GALK2: variants seen among roughly 807,000 people sequenced by gnomAD.
GALK2 encodes galactokinase 2.
GALK2 carries 36 observed loss-of-function variants against 52.4 expected under a neutral mutation model. The ratio of observed to expected loss-of-function variants is 0.69; its 90% confidence interval spans 0.53 to 0.91. GALK2 has a LOEUF of 0.91. Ranked by LOEUF, GALK2 falls within the 40% of genes least tolerant of loss-of-function variation. The probability of loss-of-function intolerance (pLI) is 0.00; values close to 1 mark genes in which losing one functional copy is unlikely to be tolerated. For synonymous variants in GALK2, 176 were observed against 199.1 expected (o/e 0.88, Z 0.98); for missense variants, 579 against 559.1 (o/e 1.04, Z -0.36).
intron 1 of GALK2, among the ~76,000 whole-genome samples, chr15:49,200,004 G>A (rs79370979): frequency 0.06 from 9,069 of 152,020 alleles, 534 homozygotes; most frequent in African/African-American, 0.15. Flanking sequence ...GGTTTTTTGG[G>A]TGTGGGTCTC....
intron 9 of GALK2, among the ~76,000 whole-genome samples, chr15:49,326,504 C>T (rs899422481): frequency 1.3e-5 from 2 of 152,126 alleles, no homozygotes; most frequent in African/African-American, 4.8e-5. Context: ...CCTGCCTTGG[C>T]CTCCCAAAGT....
intron 5 of GALK2, among the ~76,000 whole-genome samples, chr15:49,280,539 G>A (rs897456142): frequency 1.3e-5 from 2 of 152,162 alleles, no homozygotes; most frequent in Non-Finnish European, 2.9e-5. Flanking sequence ...CTAGGGTTAA[G>A]TCATTAAAGA....
chr15:49,366,736 T>C (rs1006699314), intron 3 of GALK2: 1 of 956,128 alleles, frequency 1.0e-6, no homozygotes, highest in Non-Finnish European at 1.6e-6. Context: ...CTAGGTGGGG[T>C]AGGCTGGGAG....
chr15:49,161,417 T>G (rs1203353443), intron 1 of GALK2, among the ~76,000 whole-genome samples: 1 of 152,240 alleles, frequency 6.6e-6, no homozygotes, highest in Non-Finnish European at 1.5e-5. Flanking sequence ...AAAATATTTT[T>G]CTGTCCTTAA....
upstream of GALK2, chr15:49,170,188 G>C: frequency 6.8e-7 from 1 of 1,479,490 alleles, no homozygotes; most frequent in Non-Finnish European, 9.0e-7. Flanking sequence ...CCTCAGCGAA[G>C]CTGCAGGATT....
intron 5 of GALK2, among the ~76,000 whole-genome samples, chr15:49,248,036 A>G (rs2091433884): frequency 6.6e-6 from 1 of 152,186 alleles, no homozygotes; most frequent in Non-Finnish European, 1.5e-5. Context: ...TGTGCCAAAT[A>G]TGTCCACATT....
intron 1 of GALK2, among the ~76,000 whole-genome samples, chr15:49,200,691 C>A (rs1019075791): frequency 1.3e-5 from 2 of 152,210 alleles, no homozygotes; most frequent in African/African-American, 2.4e-5. Context: ...TTTTAGACTT[C>A]TGGCTGCAGA....
intron 9 of GALK2, among the ~76,000 whole-genome samples, chr15:49,322,924 TCCAG>T (rs1005815699): frequency 1.5e-5 from 2 of 131,742 alleles, no homozygotes; most frequent in African/African-American, 6.0e-5. Context: ...AACACTGCCC[TCCAG>T]CCTGTGGGAC....
intron 1 of GALK2, among the ~76,000 whole-genome samples, chr15:49,199,830 G>A (rs138153719): frequency 0.019 from 2,880 of 152,236 alleles, 46 homozygotes; most frequent in Middle Eastern, 0.031. Flanking sequence ...GCAGAGAGAA[G>A]TTTATAATGG....
At chr15:49,319,323 T>C (rs2036693871) in intron 8 of GALK2, among the ~76,000 whole-genome samples, 1 of 152,108 alleles carries the variant, frequency 6.6e-6, no homozygotes, top group South Asian at 2.1e-4. Context: ...CTGTCTTCAT[T>C]TGGGATGGAT....
intron 8 of GALK2, among the ~76,000 whole-genome samples, chr15:49,306,658 A>G (rs2035571670): frequency 6.6e-6 from 1 of 152,214 alleles, no homozygotes; most frequent in African/African-American, 2.4e-5. Flanking sequence ...GCCCTAGGCA[A>G]GCATGACCAT....
At chr15:49,319,038 C>T in intron 8 of GALK2, 1 of 424,364 alleles carries the variant, frequency 2.4e-6, no homozygotes, top group Non-Finnish European at 4.6e-6. Context: ...GCAACCTCTG[C>T]CTCCCAGGTT....
chr15:49,346,720 C>T (rs1567116452), intron 3 of GALK2, among the ~76,000 whole-genome samples: 2 of 152,036 alleles, frequency 1.3e-5, no homozygotes, highest in Admixed American at 6.5e-5. Flanking sequence ...CGAAAGTGCC[C>T]ATTATACACA....
chr15:49,177,750 G>T, intron 1 of GALK2: 3 of 800,908 alleles, frequency 3.7e-6, no homozygotes, highest in Non-Finnish European at 5.5e-6. Context: ...TTTGCTTGTG[G>T]ACTGGTTTGG....
chr15:49,193,673 A>G (rs1169171589), intron 1 of GALK2, among the ~76,000 whole-genome samples: 3 of 151,150 alleles, frequency 2.0e-5, no homozygotes, highest in Non-Finnish European at 3.0e-5. Context: ...ATCTAATTTT[A>G]CCTTTTCCCA....
At chr15:49,316,970 ATAG>A (rs2036471847) in intron 8 of GALK2, among the ~76,000 whole-genome samples, 1 of 152,192 alleles carries the variant, frequency 6.6e-6, no homozygotes, top group Non-Finnish European at 1.5e-5. Context: ...TTTGGGGCTG[ATAG>A]TAGGGTGGAA....
intron 7 of GALK2, among the ~76,000 whole-genome samples, chr15:49,289,077 A>G (rs1297636647): frequency 2.0e-5 from 3 of 152,156 alleles, no homozygotes; most frequent in Admixed American, 6.5e-5. Flanking sequence ...GTATTTTTCT[A>G]TTATAGCAGT....
intron 5 of GALK2, among the ~76,000 whole-genome samples, chr15:49,272,996 A>G (rs1313751266): frequency 6.6e-6 from 1 of 152,142 alleles, no homozygotes; most frequent in African/African-American, 2.4e-5. Context: ...AGCACCTGAG[A>G]TATTTTTAGA....
intron 7 of GALK2, among the ~76,000 whole-genome samples, chr15:49,286,716 A>G (rs1372118713): frequency 1.3e-5 from 2 of 152,214 alleles, no homozygotes; most frequent in Non-Finnish European, 2.9e-5. Context: ...ACTTTTTAAT[A>G]TCAAGGGTTC....
Sources: gnomAD v4.1 joint callset for allele counts (sites outside exome capture counted in the v4.1 genomes callset) on GRCh38, gnomAD v4.1.1 for gene constraint, MANE v1.5 for transcripts, NCBI Gene and HGNC (gene_info 2026-07-23, HGNC 2026-07-21) for gene names.